Variants in ZMYND11 observed in about 807,000 individuals in gnomAD.
The protein encoded by ZMYND11 is zinc finger MYND-type containing 11.
Under a neutral mutation model 84.9 loss-of-function variants are expected in ZMYND11, and 9 were observed. The ratio of observed to expected loss-of-function variants is 0.11; its 90% CI spans 0.06 to 0.18. The LOEUF is 0.18. Ranked by LOEUF, ZMYND11 falls within the 10% of genes least tolerant of loss-of-function variation. The probability of loss-of-function intolerance (pLI) is 1.00; values close to 1 mark genes in which losing one functional copy is unlikely to be tolerated. For missense variants in ZMYND11, 409 were observed against 761.0 expected (o/e 0.54, Z 5.44); for synonymous variants, 250 against 244.1 (o/e 1.02, Z -0.23).
chr10:147,114 T>C (rs1260930162), intron 1 of ZMYND11, among the ~76,000 whole-genome samples: 1 of 152,248 alleles, frequency 6.6e-6, no homozygotes, highest in Non-Finnish European at 1.5e-5. Flanking sequence ...GCATGAGACT[T>C]TACTGAATTC....
At chr10:245,693 G>A (rs557372886) in intron 10 of ZMYND11, among the ~76,000 whole-genome samples, 4 of 152,114 alleles carry the variant, frequency 2.6e-5, no homozygotes, top group South Asian at 4.2e-4. Flanking sequence ...GACCAAGGCC[G>A]AATAAAATGT....
rs188809959 is a variant in ZMYND11, at chr10:147,279, T to G, written c.-20+11720T>G. ...AGATTACTCTGACTAGGACTTCCAG[T>G]ACTGTGTTGAATAGAAGTGTTGAAA... On this transcript the variant is annotated intron_variant, in intron 1 of 14. Coordinates refer to ENST00000381604, the MANE Select transcript of ZMYND11 (RefSeq NM_001370100.5). Among the ~76,000 whole-genome samples, 17 of 152,316 alleles carry G rather than the reference T, an allele frequency of 1.1e-4. No homozygotes were observed. In the East Asian group the frequency reaches 3.3e-3, roughly 29 times the overall value.
At position 168,402 on chromosome 10, in the gene ZMYND11, G is replaced by A. The variant is rs958652762; in HGVS notation, c.-19-11592G>A. On this transcript the variant is annotated intron_variant, in intron 1 of 14. Coordinates refer to ENST00000381604, the MANE Select transcript of ZMYND11 (RefSeq NM_001370100.5). ...GAGGTAGGAGGATTACCTGAGCCCA[G>A]GAGAATGGAGTCCAGCCTGGGCAAC... is the stretch of plus-strand genomic sequence containing the variant. Among the ~76,000 whole-genome samples, 4 of 151,996 alleles carry A rather than the reference G, an allele frequency of 2.6e-5. No individual in the cohort carries two copies. In the East Asian group the frequency reaches 5.8e-4, roughly 22 times the overall value.
At chr10:211,239 A>T (rs762474231) in intron 3 of ZMYND11, among the ~76,000 whole-genome samples, 4 of 151,922 alleles carry the variant, frequency 2.6e-5, no homozygotes, top group Non-Finnish European at 5.9e-5. Context: ...CTTTTTCTTA[A>T]AAAGAAAAAA....
At chr10:185,270 C>G (rs1399549704) in intron 2 of ZMYND11, among the ~76,000 whole-genome samples, 1 of 151,990 alleles carries the variant, frequency 6.6e-6, no homozygotes, top group African/African-American at 2.4e-5. Context: ...GGTCTCGATA[C>G]CAATCAGGAT....
At chr10:240,999 AACAT>A (rs751336600) in intron 9 of ZMYND11, 29 bp downstream of exon 9, 15 of 1,532,874 alleles carry the variant, frequency 9.8e-6, no homozygotes, top group East Asian at 2.2e-5. Context: ...TCAAGTGTGT[AACAT>A]ACAGCTCTAA....
At chr10:239,979 TGAAA>T (rs1950598402) in intron 7 of ZMYND11, 73 bp from the exon 8 acceptor site, 1 of 1,311,128 alleles carries the variant, frequency 7.6e-7, no homozygotes, top group African/African-American at 1.5e-5. Flanking sequence ...TTTTGCAAAC[TGAAA>T]GAAAAGGATA....
intron 4 of ZMYND11, among the ~76,000 whole-genome samples, chr10:231,616 A>G (rs1192596854): frequency 6.6e-6 from 1 of 152,210 alleles, no homozygotes; most frequent in Non-Finnish European, 1.5e-5. Flanking sequence ...AAACTTGGAC[A>G]AGATCAGGAG....
chr10:221,600 C>G (rs1354677923), intron 4 of ZMYND11, among the ~76,000 whole-genome samples: 1 of 152,168 alleles, frequency 6.6e-6, no homozygotes, highest in Non-Finnish European at 1.5e-5. Context: ...CCTTACCTGC[C>G]TCTGGCTTAT....
At chr10:236,429 C>G (rs77556645) in intron 4 of ZMYND11, among the ~76,000 whole-genome samples, 1 of 152,120 alleles carries the variant, frequency 6.6e-6, no homozygotes, top group Non-Finnish European at 1.5e-5. Context: ...ACCTTTTAAA[C>G]GAAGAATAAT....
At chr10:134,956 CG>C (rs1211096211), upstream of ZMYND11, 3 of 149,618 alleles carry the variant, frequency 2.0e-5, no homozygotes, top group African/African-American at 7.3e-5. Context: ...GCCGGCCGCG[CG>C]CAAGTCCGGC....
rs373515496 is a variant in ZMYND11, at chr10:233,404, G to A, written c.439-3434G>A. ...ACAGCCATTCCTCTGATTATTTTCC[G>A]TGAGGGATAAGTTTGGCCTGTTCTA... On this transcript the variant is annotated intron_variant, in intron 4 of 14. Coordinates refer to ENST00000381604, the MANE Select transcript of ZMYND11 (RefSeq NM_001370100.5). Among the ~76,000 whole-genome samples the A allele has an allele frequency of 2.7e-4, 41 of 152,266 alleles. 1 individual carries two copies. The highest frequency in any genetic ancestry group is 1.4e-3 in the Admixed American group (21 of 15,300).
At chr10:218,494 A>AAC (rs1946573543) in intron 3 of ZMYND11, 1 of 393,092 alleles carries the variant, frequency 2.5e-6, no homozygotes. Context: ...AGCAGCCCCA[A>AAC]ACAAGGTGAA....
intron 4 of ZMYND11, among the ~76,000 whole-genome samples, chr10:228,429 A>G (rs1355259985): frequency 1.3e-5 from 2 of 152,218 alleles, no homozygotes; most frequent in East Asian, 3.8e-4. Context: ...GATGCTTACA[A>G]CTTAATGTAG....
intron 2 of ZMYND11, among the ~76,000 whole-genome samples, chr10:192,366 A>G (rs1303304349): frequency 6.6e-6 from 1 of 152,184 alleles, no homozygotes; most frequent in Non-Finnish European, 1.5e-5. Flanking sequence ...CCTTCTGACC[A>G]TCATGCTGCC....
intron 12 of ZMYND11, 89 bp downstream of exon 12, chr10:247,555 A>T: frequency 7.2e-7 from 1 of 1,393,822 alleles, no homozygotes; most frequent in Non-Finnish European, 1.0e-6. Context: ...TTTCAAAGAC[A>T]GTCACTCTTG....
chr10:175,101 T>C lies in ZMYND11; in HGVS notation c.-19-4893T>C, dbSNP rs192656721. Among the ~76,000 whole-genome samples, 25 of 152,290 alleles carry C rather than the reference T, an allele frequency of 1.6e-4. 1 individual carries two copies. The highest frequency in any genetic ancestry group is 1.6e-3 in the Admixed American group (25 of 15,300). On this transcript the variant is annotated intron_variant, in intron 1 of 14. Coordinates refer to ENST00000381604, the MANE Select transcript of ZMYND11 (RefSeq NM_001370100.5). ...TGAACCCTAATGTATACTGTGGACC[T>C]TGGGTCATAATGATATGTCAGTGTA...
intron 1 of ZMYND11, among the ~76,000 whole-genome samples, chr10:170,795 T>C (rs527843830): frequency 1.3e-5 from 2 of 151,872 alleles, no homozygotes; most frequent in Non-Finnish European, 2.9e-5. Context: ...AATAACAAAG[T>C]CAACCAATGG....
chr10:167,955 C>T (rs1844396967), intron 1 of ZMYND11, among the ~76,000 whole-genome samples: 1 of 152,100 alleles, frequency 6.6e-6, no homozygotes. Context: ...AAAACTTAAA[C>T]TCTATACCCA....
Sources: gnomAD v4.1 joint callset for allele counts (sites outside exome capture counted in the v4.1 genomes callset) on GRCh38, gnomAD v4.1.1 for gene constraint, MANE v1.5 for transcripts, NCBI Gene and HGNC (gene_info 2026-07-23, HGNC 2026-07-21) for gene names.